NPRL3: variants seen among roughly 807,000 people sequenced by gnomAD.
The protein encoded by NPRL3 is NPR3 like, GATOR1 complex subunit.
A neutral mutation model predicts 57.2 loss-of-function variants in NPRL3; 23 were observed. The observed-to-expected ratio is 0.40, with a 90% CI of 0.29 to 0.57. The LOEUF (loss-of-function observed/expected upper bound fraction) is 0.57. Ranked by LOEUF, NPRL3 falls within the 20% of genes least tolerant of loss-of-function variation. The pLI, the probability that NPRL3 is intolerant of heterozygous loss-of-function variation, is 0.42. For missense variants in NPRL3, 691 were observed against 767.1 expected (o/e 0.90, Z 1.17); for synonymous variants, 333 against 321.1 (o/e 1.04, Z -0.39).
intron 7 of NPRL3, 61 bp from the exon 8 acceptor site, chr16:100,570 GA>G: frequency 7.3e-7 from 1 of 1,377,610 alleles, no homozygotes; most frequent in Non-Finnish European, 9.5e-7. Flanking sequence ...ACACAGATCA[GA>G]AAACACCCTG....
chr16:117,206 C>A (rs1438789604), intron 5 of NPRL3, 95 bp downstream of exon 5: 3 of 861,024 alleles, frequency 3.5e-6, no homozygotes, highest in Non-Finnish European at 3.7e-6. Context: ...CCGCTGCAGT[C>A]CAAGCTCCGA....
chr16:134,978 G>C (rs1468930456), intron 2 of NPRL3, among the ~76,000 whole-genome samples: 1 of 152,058 alleles, frequency 6.6e-6, no homozygotes, highest in Non-Finnish European at 1.5e-5. Flanking sequence ...TGGGATTACA[G>C]GCGTGAGCCA....
At chr16:100,214 T>C (rs1361535044) in intron 8 of NPRL3, among the ~76,000 whole-genome samples, 158 bp downstream of exon 8, 1 of 152,162 alleles carries the variant, frequency 6.6e-6, no homozygotes, top group Admixed American at 6.5e-5. Context: ...CAAAATTATG[T>C]GTTTTAACTT....
At chr16:89,663 A>AC in intron 12 of NPRL3, 50 bp downstream of exon 12, 2 of 1,432,392 alleles carry the variant, frequency 1.4e-6, no homozygotes, top group Non-Finnish European at 1.8e-6. Context: ...CCTGGATGCC[A>AC]CCCCCAAGCG....
intron 3 of NPRL3, chr16:125,159 A>G (rs937705776): frequency 7.1e-5 from 11 of 154,650 alleles, no homozygotes; most frequent in African/African-American, 2.7e-4. Flanking sequence ...GTATTCTGGA[A>G]AGAGAAAGGA....
chr16:116,907 A>G (rs1441610707), intron 5 of NPRL3, among the ~76,000 whole-genome samples: 2 of 149,970 alleles, frequency 1.3e-5, no homozygotes, highest in Non-Finnish European at 3.0e-5. Context: ...CTTGGGAGGC[A>G]GGGGTTGCAT....
At chr16:135,608 C>CAAAAAAAAAAAA (rs555589072) in intron 2 of NPRL3, among the ~76,000 whole-genome samples, 1 of 56,848 alleles carries the variant, frequency 1.8e-5, no homozygotes, top group African/African-American at 6.2e-5. Context: ...GACTCTGTCT[C>CAAAAAAAAAAAA]AAAAAAAAAA....
At chr16:102,151 A>AAC (rs1211916142) in intron 7 of NPRL3, among the ~76,000 whole-genome samples, 263 of 152,272 alleles carry the variant, frequency 1.7e-3, no homozygotes, top group African/African-American at 6.0e-3. Flanking sequence ...CCCCTCGGGG[A>AAC]ACCACACAAA....
At chr16:108,858 C>T (rs1332842267) in intron 7 of NPRL3, among the ~76,000 whole-genome samples, 1 of 150,722 alleles carries the variant, frequency 6.6e-6, no homozygotes, top group Non-Finnish European at 1.5e-5. Flanking sequence ...TTTTAGTAGA[C>T]AGCGGGTTTC....
At chr16:100,917 G>A (rs1310038718) in intron 7 of NPRL3, among the ~76,000 whole-genome samples, 2 of 125,336 alleles carry the variant, frequency 1.6e-5, no homozygotes, top group African/African-American at 6.2e-5. Flanking sequence ...GTTGCAGTGA[G>A]CTAACATCAC....
intron 9 of NPRL3, 78 bp downstream of exon 9, chr16:98,067 G>GTAC: frequency 6.5e-7 from 1 of 1,534,264 alleles, no homozygotes; most frequent in Admixed American, 1.8e-5. Flanking sequence ...CCCTGTGGAT[G>GTAC]TACTGTGGCA....
At chr16:87,529 G>C (rs1343426052) in intron 13 of NPRL3, among the ~76,000 whole-genome samples, 4 of 119,124 alleles carry the variant, frequency 3.4e-5, no homozygotes, top group Non-Finnish European at 6.9e-5. Context: ...GAGCCACTGT[G>C]CCCAGCCTGC....
At chr16:96,764 G>A (rs1484505160) in intron 9 of NPRL3, among the ~76,000 whole-genome samples, 2 of 151,998 alleles carry the variant, frequency 1.3e-5, no homozygotes, top group Non-Finnish European at 2.9e-5. Flanking sequence ...CAGCCTGGGA[G>A]ACAGAGCAAG....
intron 7 of NPRL3, among the ~76,000 whole-genome samples, chr16:103,064 GGCAA>G (rs1248596572): frequency 6.6e-6 from 1 of 152,038 alleles, no homozygotes; most frequent in African/African-American, 2.4e-5. Context: ...GGGAAGAAAG[GGCAA>G]GCGAGAGGTG....
rs762516395 is a variant in NPRL3 at position 92,671 on chromosome 16, C to T, written c.1086G>A (p.Pro362=). 4.8e-5 allele frequency: 78 copies of T among 1,613,712 alleles called. No homozygotes were observed. The highest frequency in any genetic ancestry group is 1.8e-4 in the Admixed American group (11 of 59,972). ...FSHQFPSHDL[P]SVLAKFSLPV... is the part of the protein sequence containing the mutation. The stretch of plus-strand genomic sequence containing the variant: ...GCAAGGAGAACTTGGCAAGAACGGA[C>T]GGCAGGTCATGAGATGGGAACTGGT... Residue 362 remains proline, a synonymous_variant, in exon 11 of 14, where the codon CCG becomes CCA. Coordinates refer to ENST00000611875, the MANE Select transcript of NPRL3 (RefSeq NM_001077350.3).
chr16:119,796 C>A (rs1228130879), intron 3 of NPRL3, among the ~76,000 whole-genome samples: 1 of 152,236 alleles, frequency 6.6e-6, no homozygotes, highest in Admixed American at 6.5e-5. Flanking sequence ...CCATCCGTTC[C>A]CTTATCCCAA....
At chr16:116,735 G>T (rs1273727424) in intron 5 of NPRL3, among the ~76,000 whole-genome samples, 2 of 151,608 alleles carry the variant, frequency 1.3e-5, no homozygotes, top group Non-Finnish European at 2.9e-5. Context: ...GGCCAAGGTG[G>T]GTGGATCACC....
intron 6 of NPRL3, among the ~76,000 whole-genome samples, chr16:110,842 G>A (rs1244581902): frequency 6.6e-6 from 1 of 152,070 alleles, no homozygotes; most frequent in Non-Finnish European, 1.5e-5. Flanking sequence ...GAGCCACCAC[G>A]CCTGGCCTAG....
At chr16:133,976 T>C (rs899361095) in intron 2 of NPRL3, among the ~76,000 whole-genome samples, 1 of 152,218 alleles carries the variant, frequency 6.6e-6, no homozygotes, top group Non-Finnish European at 1.5e-5. Flanking sequence ...ACTTGCTATC[T>C]TATGTGGACA....
Sources: allele counts gnomAD v4.1 joint callset (sites outside exome capture counted in the v4.1 genomes callset), GRCh38; gene constraint gnomAD v4.1.1; transcripts MANE v1.5; gene names NCBI Gene and HGNC (gene_info 2026-07-23, HGNC 2026-07-21).